RASGRF2: variants seen among roughly 807,000 people sequenced by gnomAD.
RASGRF2 encodes Ras protein specific guanine nucleotide releasing factor 2.
A neutral mutation model predicts 151.0 loss-of-function variants in RASGRF2; 76 were observed. That is an observed-to-expected ratio of 0.50 (90% confidence interval 0.42 to 0.61). The LOEUF (loss-of-function observed/expected upper bound fraction) is 0.61. RASGRF2 is among the 20% of genes least tolerant of loss of function. The pLI is 0.00. For synonymous variants in RASGRF2, 504 were observed against 566.5 expected (o/e 0.89, Z 1.57); for missense variants, 1,148 against 1,564.6 (o/e 0.73, Z 4.49).
At chr5:80,996,306 A>C (rs1462270561) in intron 1 of RASGRF2, among the ~76,000 whole-genome samples, 1 of 151,550 alleles carries the variant, frequency 6.6e-6, no homozygotes, top group Non-Finnish European at 1.5e-5. Context: ...TTATTTTGCT[A>C]TTCTCTCTCT....
intron 17 of RASGRF2, among the ~76,000 whole-genome samples, chr5:81,172,069 G>A (rs1196575859): frequency 6.6e-6 from 1 of 152,100 alleles, no homozygotes; most frequent in Admixed American, 6.6e-5. Flanking sequence ...CATTTATCTG[G>A]TCATAAATCC....
intron 13 of RASGRF2, among the ~76,000 whole-genome samples, chr5:81,109,715 C>T (rs1752944829): frequency 6.6e-6 from 1 of 152,152 alleles, no homozygotes; most frequent in Non-Finnish European, 1.5e-5. Context: ...TCAGTTGTTG[C>T]TGGCACCCAA....
intron 17 of RASGRF2, among the ~76,000 whole-genome samples, chr5:81,139,737 G>A (rs568176975): frequency 2.0e-5 from 3 of 152,154 alleles, no homozygotes; most frequent in Admixed American, 2.0e-4. Context: ...TAAATATAAT[G>A]ATATAAACAT....
intron 1 of RASGRF2, among the ~76,000 whole-genome samples, chr5:81,025,090 C>G (rs1749972763): frequency 1.3e-5 from 2 of 152,184 alleles, no homozygotes; most frequent in Non-Finnish European, 1.5e-5. Context: ...TGCCCAGTCT[C>G]CTATGATCCC....
intron 17 of RASGRF2, among the ~76,000 whole-genome samples, chr5:81,136,173 A>T (rs1012468865): frequency 6.6e-6 from 1 of 152,196 alleles, no homozygotes; most frequent in Admixed American, 6.5e-5. Flanking sequence ...TATCTTTTAG[A>T]TCATTTAAAA....
rs1207943552 is a variant in RASGRF2, at chr5:80,995,696, T to TCCCG, written c.288+34670_288+34671insCCCG. Among the ~76,000 whole-genome samples, 949 of 111,700 alleles carry TCCCG rather than the reference T, an allele frequency of 8.5e-3. 29 individuals are homozygous for TCCCG. Among genetic ancestry groups the TCCCG allele is most frequent in the African/African-American group, 0.03 (904 of 30,546 alleles). 73.3% of individuals were successfully genotyped at this position (111,700 alleles called of 152,430 possible). On this transcript the variant is annotated intron_variant, in intron 1 of 26. Transcript: ENST00000265080. ...TCTTTCCTTTCCTTCCCCCCCCCTTTTTTTTTTTTTTTTTGAGATGGAGTC... is the reference window on the plus strand; with the variant it reads ...TCTTTCCTTTCCTTCCCCCCCCCTTTCCCGTTTTTTTTTTTTTTGAGATGGAGTC...
intron 17 of RASGRF2, among the ~76,000 whole-genome samples, chr5:81,177,509 T>C (rs1220635264): frequency 6.6e-6 from 1 of 151,826 alleles, no homozygotes. Context: ...CAATACAACT[T>C]AGTAAGTTCA....
At chr5:81,160,533 G>T (rs548027743) in intron 17 of RASGRF2, among the ~76,000 whole-genome samples, 1 of 151,802 alleles carries the variant, frequency 6.6e-6, no homozygotes, top group Non-Finnish European at 1.5e-5. Context: ...TTAGCCAGGC[G>T]TGGTGGCAGG....
chr5:81,162,798 G>A (rs775834110), intron 17 of RASGRF2, among the ~76,000 whole-genome samples: 21 of 152,288 alleles, frequency 1.4e-4, no homozygotes, highest in South Asian at 2.1e-4. Flanking sequence ...TGTTTGTCAC[G>A]TGCTATCTAT....
At chr5:81,183,089 T>C (rs1025778734) in intron 18 of RASGRF2, 1 of 801,952 alleles carries the variant, frequency 1.2e-6, no homozygotes, top group Non-Finnish European at 1.5e-6. Context: ...AATCAGTAGC[T>C]TTTAAAAAAT....
rs1204034947 is a variant in RASGRF2, at chr5:81,206,836, C to A, written c.2907-9C>A. The stretch of plus-strand genomic sequence containing the variant: ...TCTTTCATGGAGGATAATTTGATAT[C>A]TTTTTCAGGGCCCTTTCACAAGATG... On this transcript the variant is annotated splice_polypyrimidine_tract_variant and intron_variant, in intron 19 of 26. Transcript: ENST00000265080. 3.7e-6 allele frequency: 6 copies of A among 1,603,100 alleles called. No individual in the cohort carries two copies. Among genetic ancestry groups the A allele is most frequent in the Non-Finnish European group, 4.3e-6 (5 of 1,170,040 alleles).
rs192855593 is a variant in RASGRF2 at position 81,027,634 on chromosome 5, A to G, written c.289-15243A>G. 1.3e-3 allele frequency among the ~76,000 whole-genome samples: 192 copies of G among 152,346 alleles called. 1 individual carries two copies. Among genetic ancestry groups the G allele is most frequent in the Non-Finnish European group, 2.3e-3 (154 of 68,036 alleles). On this transcript the variant is annotated intron_variant, in intron 1 of 26. Coordinates refer to ENST00000265080, the MANE Select transcript of RASGRF2 (RefSeq NM_006909.3). ...ACTCCCATCTGCCCTTGCTCAAAACATTAGTGAAGGATGAAATATGCTTTG... is the reference window on the plus strand; with the variant it reads ...ACTCCCATCTGCCCTTGCTCAAAACGTTAGTGAAGGATGAAATATGCTTTG...
intron 19 of RASGRF2, among the ~76,000 whole-genome samples, chr5:81,204,841 A>G (rs1755470680): frequency 6.7e-6 from 1 of 150,102 alleles, no homozygotes; most frequent in South Asian, 2.1e-4. Context: ...CTCTTGGAAA[A>G]TGAGGGTAAG....
chr5:80,968,138 G>C (rs1298349618), intron 1 of RASGRF2, among the ~76,000 whole-genome samples: 2 of 152,258 alleles, frequency 1.3e-5, no homozygotes, highest in African/African-American at 4.8e-5. Flanking sequence ...TGAATGGTCA[G>C]CACATTTGCC....
chr5:81,212,858 A>C (rs1441405920), intron 23 of RASGRF2, among the ~76,000 whole-genome samples: 1 of 152,158 alleles, frequency 6.6e-6, no homozygotes, highest in East Asian at 1.9e-4. Context: ...GAGCAAGCAC[A>C]CTTATGTCCA....
chr5:81,219,317 T>C (rs1433720787), intron 25 of RASGRF2, among the ~76,000 whole-genome samples: 2 of 151,944 alleles, frequency 1.3e-5, no homozygotes, highest in Non-Finnish European at 2.9e-5. Context: ...CTGAACTCAA[T>C]TGATCCACCC....
chr5:81,063,606 C>G (rs1751506741), intron 2 of RASGRF2, among the ~76,000 whole-genome samples: 1 of 152,062 alleles, frequency 6.6e-6, no homozygotes, highest in East Asian at 1.9e-4. Flanking sequence ...GGAACTCCCA[C>G]AAGACAGATA....
At chr5:81,027,614 C>T (rs1040936880) in intron 1 of RASGRF2, among the ~76,000 whole-genome samples, 2 of 152,208 alleles carry the variant, frequency 1.3e-5, no homozygotes, top group Non-Finnish European at 2.9e-5. Context: ...TTATAACTCC[C>T]ATCTGCCCTT....
At chr5:81,101,840 A>G (rs1752707046) in intron 12 of RASGRF2, among the ~76,000 whole-genome samples, 1 of 152,202 alleles carries the variant, frequency 6.6e-6, no homozygotes, top group Non-Finnish European at 1.5e-5. Flanking sequence ...TATTCCTAAA[A>G]TAATTTTGAT....
Sources: gnomAD v4.1 joint callset for allele counts (sites outside exome capture counted in the v4.1 genomes callset) on GRCh38, gnomAD v4.1.1 for gene constraint, MANE v1.5 for transcripts, NCBI Gene and HGNC (gene_info 2026-07-23, HGNC 2026-07-21) for gene names.